SYNCRIP: variants seen among roughly 807,000 people sequenced by gnomAD.
SYNCRIP encodes the protein heterogeneous nuclear ribonucleoprotein Q.
In SYNCRIP, 9 loss-of-function variants were observed where a neutral mutation model predicts 68.9. The observed-to-expected ratio is 0.13, with a 90% CI of 0.08 to 0.23. The LOEUF is 0.23. Among genes scored for constraint, SYNCRIP ranks in the 10% least tolerant of loss-of-function variants. The pLI is 1.00. For missense variants in SYNCRIP, 414 were observed against 770.6 expected (o/e 0.54, Z 5.48); for synonymous variants, 258 against 254.0 (o/e 1.02, Z -0.15).
At chr6:85,640,696 AAAAC>A (rs1809027383) in intron 2 of SYNCRIP, 132 bp from the exon 3 acceptor site, 2 of 556,640 alleles carry the variant, frequency 3.6e-6, no homozygotes, top group Non-Finnish European at 6.2e-6. Context: ...TGAAAAAAAA[AAAAC>A]ACACACTTCA....
At chr6:85,620,808 A>G (rs1806298365) in intron 8 of SYNCRIP, among the ~76,000 whole-genome samples, 2 of 152,220 alleles carry the variant, frequency 1.3e-5, no homozygotes, top group Non-Finnish European at 1.5e-5. Flanking sequence ...AAGTCTATGA[A>G]AAAGAAAATG....
At chr6:85,626,489 T>C (rs1457345380) in intron 6 of SYNCRIP, among the ~76,000 whole-genome samples, 3 of 152,178 alleles carry the variant, frequency 2.0e-5, no homozygotes, top group African/African-American at 7.2e-5. Context: ...ATTTTCCAAA[T>C]GTTCTAAAAT....
chr6:85,615,167 A>T lies in SYNCRIP; in HGVS notation c.1461T>A (p.Gly487=). 1.9e-6 allele frequency: 3 copies of T among 1,613,012 alleles called. No homozygotes were observed. Among genetic ancestry groups the T allele is most frequent in the Non-Finnish European group, 8.5e-7 (1 of 1,179,762 alleles). Residue 487 remains glycine, a synonymous_variant, in exon 11 of 11, where the codon GGT becomes GGA. Transcript: ENST00000369622. ...YRGGYEDPYY[G]YEDFQVGARG... is the part of the protein sequence containing the mutation. ...TAGCTCCAACTTGAAAATCTTCATA[A>T]CCATAGTATGGATCTTCATATCCAC...
downstream of SYNCRIP, chr6:85,611,665 TC>T (rs757277850): frequency 7.5e-4 from 114 of 152,482 alleles, no homozygotes; most frequent in African/African-American, 2.0e-3. Flanking sequence ...ACACTCACTG[TC>T]ATCAAGGTGC....
intron 6 of SYNCRIP, among the ~76,000 whole-genome samples, chr6:85,633,028 G>A (rs1807996019): frequency 6.6e-6 from 1 of 150,546 alleles, no homozygotes; most frequent in Non-Finnish European, 1.5e-5. Flanking sequence ...CAAGGCGGGT[G>A]AATCACAAGG....
chr6:85,615,447 G>T, intron 10 of SYNCRIP, 100 bp from the exon 11 acceptor site: 2 of 721,828 alleles, frequency 2.8e-6, no homozygotes, highest in Non-Finnish European at 2.1e-6. Context: ...AGTTTACTTC[G>T]CATAATTCAC....
At position 85,618,959 on chromosome 6, in the gene SYNCRIP, C is replaced by A; in HGVS notation, c.1159-20G>T. The A allele has an allele frequency of 1.3e-6, 2 of 1,591,058 alleles. No homozygotes were observed. Among genetic ancestry groups the A allele is most frequent in the South Asian group, 1.2e-5 (1 of 86,828 alleles). The stretch of plus-strand genomic sequence containing the variant: ...CATAGCCTTAAAAAATTAGATAAGT[C>A]AATATAAAAATAGGACTTTCATACA... On this transcript the variant is annotated intron_variant, in intron 9 of 10. Transcript: ENST00000369622.
intron 4 of SYNCRIP, among the ~76,000 whole-genome samples, chr6:85,637,557 T>C (rs1808602240): frequency 6.6e-6 from 1 of 152,230 alleles, no homozygotes; most frequent in African/African-American, 2.4e-5. Context: ...AAGTCCAGGG[T>C]CCTGTTCAAA....
chr6:85,632,999 T>G (rs1807991969), intron 6 of SYNCRIP, among the ~76,000 whole-genome samples: 2 of 151,964 alleles, frequency 1.3e-5, no homozygotes, highest in Non-Finnish European at 2.9e-5. Flanking sequence ...ACACCTGTAA[T>G]CCCAGCACTT....
At chr6:85,613,421 C>CTT (rs1161059808), downstream of SYNCRIP, among the ~76,000 whole-genome samples, 2 of 152,050 alleles carry the variant, frequency 1.3e-5, no homozygotes, top group Non-Finnish European at 2.9e-5. Flanking sequence ...GGTATAATAC[C>CTT]TTTAAATTCA....
At chr6:85,631,577 T>C (rs527816544) in intron 6 of SYNCRIP, among the ~76,000 whole-genome samples, 2 of 152,306 alleles carry the variant, frequency 1.3e-5, no homozygotes, top group East Asian at 3.9e-4. Context: ...AATGGTACCT[T>C]AGACTAACTA....
At chr6:85,623,562 C>CAAAAAAAAAAAAAA (rs67258131) in intron 7 of SYNCRIP, among the ~76,000 whole-genome samples, 13 of 63,254 alleles carry the variant, frequency 2.1e-4, no homozygotes, top group African/African-American at 7.5e-4. Context: ...AGACTGTCTC[C>CAAAAAAAAAAAAAA]AAAAAAAAAA....
At chr6:85,642,994 A>ACCC (rs557109737), upstream of SYNCRIP, 3 of 106,596 alleles carry the variant, frequency 2.8e-5, no homozygotes, top group Non-Finnish European at 5.8e-5. Context: ...CCCCCGCGTG[A>ACCC]CCCCCCCTTC....
chr6:85,622,388 A>G, intron 8 of SYNCRIP, 94 bp downstream of exon 8: 1 of 1,211,756 alleles, frequency 8.3e-7, no homozygotes, highest in Non-Finnish European at 1.2e-6. Flanking sequence ...AAAATAAAAA[A>G]ATGTATACTG....
At chr6:85,611,184 A>G (rs1222953147), downstream of SYNCRIP, 1 of 152,126 alleles carries the variant, frequency 6.6e-6, no homozygotes, top group Non-Finnish European at 1.5e-5. Context: ...TTATGTAAGT[A>G]CAAATAAACA....
rs1362602425 is a variant in SYNCRIP, at chr6:85,637,297, T to C, written c.435A>G (p.Gly145=). 1 of 1,614,066 alleles carries C rather than the reference T, an allele frequency of 6.2e-7. No individual in the cohort carries two copies. The highest frequency in any genetic ancestry group is 8.5e-7 in the Non-Finnish European group (1 of 1,180,044). ...LDVTTGQRKY[G]GPPPDSVYSG... ...AATAAACGGAATCTGGAGGTGGTCC[T>C]CCATACTTCCTCTGTCCAGTGGTCA... is the stretch of plus-strand genomic sequence containing the variant. Residue 145 remains glycine (G), a synonymous_variant, in exon 5 of 11, where the codon GGA becomes GGG. Coordinates refer to ENST00000369622, the MANE Select transcript of SYNCRIP (RefSeq NM_006372.5).
intron 6 of SYNCRIP, among the ~76,000 whole-genome samples, chr6:85,632,304 T>C (rs1402424419): frequency 9.2e-5 from 14 of 152,192 alleles, no homozygotes. Flanking sequence ...GATCTATAAA[T>C]AATGCAAAGG....
rs763082484 is a variant in SYNCRIP, at chr6:85,640,507, T to C, written c.206A>G (p.Asn69Ser). 8.7e-6 allele frequency: 14 copies of C among 1,609,678 alleles called. No homozygotes were observed. Among genetic ancestry groups the C allele is most frequent in the Admixed American group, 1.7e-5 (1 of 59,010 alleles). Reference sequence around the variant, plus strand: ...AAGAACTGCCAATGCACCGTCTTCATTGAATTCTTTTAAAGCTTCAATAGC... The same window carrying C: ...AAGAACTGCCAATGCACCGTCTTCACTGAATTCTTTTAAAGCTTCAATAGC... The part of the protein sequence containing the change: ...ERAIEALKEF[N>S]EDGALAVLQQ... The change falls in exon 3 of 11, where the codon AAT (asparagine) becomes AGT (serine). Residue 69 changes from asparagine (N) to serine (S), a missense_variant. Asn to Ser is a conservative substitution (Grantham distance 46). Coordinates refer to ENST00000369622, the MANE Select transcript of SYNCRIP (RefSeq NM_006372.5).
intron 6 of SYNCRIP, among the ~76,000 whole-genome samples, chr6:85,625,787 C>T (rs1406945669): frequency 2.0e-5 from 3 of 152,114 alleles, no homozygotes; most frequent in Non-Finnish European, 4.4e-5. Context: ...TAAGTTCAAC[C>T]ACCCAATACT....
Sources: gnomAD v4.1 joint callset for allele counts (sites outside exome capture counted in the v4.1 genomes callset) on GRCh38, gnomAD v4.1.1 for gene constraint, MANE v1.5 for transcripts, NCBI Gene and HGNC (gene_info 2026-07-23, HGNC 2026-07-21) for gene names.